Variants in PDE4B observed in about 807,000 individuals in gnomAD.
PDE4B encodes the protein 3',5'-cyclic-AMP phosphodiesterase 4B.
Under a neutral mutation model 82.2 loss-of-function variants are expected in PDE4B, and 20 were observed. The observed-to-expected ratio is 0.24, with a 90% CI of 0.17 to 0.35. The LOEUF is 0.35. Among genes scored for constraint, PDE4B ranks in the 10% least tolerant of loss-of-function variants. The pLI is 1.00. For missense variants in PDE4B, 655 were observed against 907.2 expected (o/e 0.72, Z 3.57); for synonymous variants, 320 against 318.9 (o/e 1.00, Z -0.04).
In PDE4B at chr1:66,212,545, TGTAAAA is replaced by T. The variant is rs368715676; in HGVS notation, c.282-34906_282-34901del. On this transcript the variant is annotated intron_variant, in intron 3 of 16. Coordinates refer to ENST00000341517, the MANE Select transcript of PDE4B (RefSeq NM_002600.4). ...ATCTACACTACTCGTTTTACTTTTT[TGTAAAA>T]GTAAAAGTGCTTTTCACTTTCTAAT... 5.7e-3 allele frequency among the ~76,000 whole-genome samples: 865 copies of T among 152,326 alleles called. 14 individuals carry two copies. The highest frequency in any genetic ancestry group is 0.02 in the African/African-American group (818 of 41,570).
intron 3 of PDE4B, among the ~76,000 whole-genome samples, chr1:66,048,444 T>A (rs1241067908): frequency 6.6e-6 from 1 of 151,964 alleles, no homozygotes; most frequent in African/African-American, 2.4e-5. Flanking sequence ...CAGATATTAT[T>A]TGATTTGGGA....
chr1:66,366,711 G>T (rs1570788913), intron 13 of PDE4B, among the ~76,000 whole-genome samples: 1 of 152,202 alleles, frequency 6.6e-6, no homozygotes, highest in Admixed American at 6.5e-5. Context: ...TTGGTAGAAT[G>T]TGGTGTCATG....
At chr1:65,827,404 A>G (rs1646031525) in intron 1 of PDE4B, among the ~76,000 whole-genome samples, 2 of 152,194 alleles carry the variant, frequency 1.3e-5, no homozygotes, top group South Asian at 2.1e-4. Context: ...GTTAGACAAC[A>G]TGTAATGGCA....
At chr1:65,846,987 C>T (rs1023230108) in intron 1 of PDE4B, among the ~76,000 whole-genome samples, 1 of 152,110 alleles carries the variant, frequency 6.6e-6, no homozygotes, top group Non-Finnish European at 1.5e-5. Context: ...AACAACAAAG[C>T]AGCAATATGA....
At chr1:66,079,196 C>CTG (rs536255829) in intron 3 of PDE4B, among the ~76,000 whole-genome samples, 13,843 of 136,694 alleles carry the variant, frequency 0.1, 775 homozygotes, top group South Asian at 0.2. Flanking sequence ...CTCTCTCTCT[C>CTG]TCTCTGTCTC....
At chr1:65,916,765 C>T (rs574962659) in intron 2 of PDE4B, among the ~76,000 whole-genome samples, 9 of 152,062 alleles carry the variant, frequency 5.9e-5, no homozygotes, top group African/African-American at 1.9e-4. Context: ...CACATGCACA[C>T]ACACATACAC....
rs1427876532 is a variant in PDE4B, at chr1:66,372,641, A to G, written c.2174A>G (p.Asp725Gly). The change falls in exon 17 of 17, where the codon GAC becomes GGC. Residue 725 changes from aspartate (D) to glycine (G), a missense_variant. Coordinates refer to ENST00000341517, the MANE Select transcript of PDE4B (RefSeq NM_002600.4). ...GATTCCCTGGGAGAGACTGACATAG[A>G]CATTGCAACAGAAGACAAGTCCCCC... Reference protein sequence around the residue: ...NRDSLGETDIDIATEDKSPVD... With the variant: ...NRDSLGETDIGIATEDKSPVD... 2 of 1,613,894 alleles carry G rather than the reference A, an allele frequency of 1.2e-6. No individual in the cohort carries two copies. The highest frequency in any genetic ancestry group is 1.1e-5 in the South Asian group (1 of 91,082).
intron 3 of PDE4B, among the ~76,000 whole-genome samples, chr1:66,032,031 C>T (rs1056823248): frequency 1.3e-5 from 2 of 152,132 alleles, no homozygotes; most frequent in African/African-American, 4.8e-5. Context: ...AGGCTGAGTT[C>T]TGAGATAGAG....
intron 3 of PDE4B, among the ~76,000 whole-genome samples, chr1:66,102,149 G>GT (rs1399105391): frequency 6.6e-6 from 1 of 152,052 alleles, no homozygotes; most frequent in Non-Finnish European, 1.5e-5. Context: ...TTGTAGATGT[G>GT]TGGTACTATT....
At chr1:66,356,399 ACTATTTTGATTTAAGAAGTC>A (rs1264791733) in intron 9 of PDE4B, among the ~76,000 whole-genome samples, 2 of 152,192 alleles carry the variant, frequency 1.3e-5, no homozygotes, top group Non-Finnish European at 2.9e-5. Flanking sequence ...ACCTATTTGG[ACTATTTTGATTTAAGAAGTC>A]CTACAGAATC....
At chr1:65,978,283 C>T (rs112028923) in intron 3 of PDE4B, among the ~76,000 whole-genome samples, 4,662 of 152,100 alleles carry the variant, frequency 0.031, 238 homozygotes, top group African/African-American at 0.11. Context: ...CCGCCTTGGC[C>T]TCCTAAAGTA....
chr1:65,903,872 T>A (rs979334145), intron 1 of PDE4B, among the ~76,000 whole-genome samples: 1 of 152,192 alleles, frequency 6.6e-6, no homozygotes, highest in Non-Finnish European at 1.5e-5. Flanking sequence ...AGGTAGGGAA[T>A]CACTGGCAGA....
intron 3 of PDE4B, among the ~76,000 whole-genome samples, chr1:66,229,200 G>T (rs12744864): frequency 0.62 from 92,981 of 150,644 alleles, 29,428 homozygotes; most frequent in African/African-American, 0.73. Context: ...TAGCAGAGAT[G>T]GGGTTTCACC....
intron 3 of PDE4B, among the ~76,000 whole-genome samples, chr1:66,195,378 C>G (rs1024630003): frequency 6.6e-6 from 1 of 152,106 alleles, no homozygotes; most frequent in East Asian, 1.9e-4. Flanking sequence ...CATTTATTAA[C>G]AACATGACTA....
intron 3 of PDE4B, among the ~76,000 whole-genome samples, chr1:65,997,583 T>C (rs1651623314): frequency 6.6e-6 from 1 of 152,196 alleles, no homozygotes; most frequent in African/African-American, 2.4e-5. Context: ...ACTGAATCTG[T>C]GCTAGTAATA....
intron 7 of PDE4B, among the ~76,000 whole-genome samples, chr1:66,310,715 G>A (rs1418978140): frequency 6.6e-6 from 1 of 152,024 alleles, no homozygotes; most frequent in African/African-American, 2.4e-5. Context: ...GTACAGCTAC[G>A]TGCTAATGCT....
chr1:66,123,168 A>G (rs1474955153), intron 3 of PDE4B, among the ~76,000 whole-genome samples: 1 of 152,164 alleles, frequency 6.6e-6, no homozygotes, highest in African/African-American at 2.4e-5. Flanking sequence ...AGGCCCATGA[A>G]ATTTTGATTC....
intron 1 of PDE4B, among the ~76,000 whole-genome samples, chr1:65,798,185 T>G (rs1645652614): frequency 1.3e-5 from 2 of 149,628 alleles, no homozygotes; most frequent in African/African-American, 4.9e-5. Context: ...ACCTGGCTAA[T>G]TTTTGTATTT....
chr1:65,796,473 G>A (rs569383314), intron 1 of PDE4B, among the ~76,000 whole-genome samples: 6 of 151,194 alleles, frequency 4.0e-5, no homozygotes, highest in South Asian at 2.1e-4. Context: ...TTTCAAGTTC[G>A]CTGATTCTGT....
Sources: allele counts gnomAD v4.1 joint callset (sites outside exome capture counted in the v4.1 genomes callset), GRCh38; gene constraint gnomAD v4.1.1; transcripts MANE v1.5; gene names NCBI Gene and HGNC (gene_info 2026-07-23, HGNC 2026-07-21).